Variants in CIRSR observed in about 807,000 individuals in gnomAD.
The protein encoded by CIRSR is CBF1 (RBPJ) interacting corepressor 1.
chr2:174,377,432 CAG>C, the CIRSR span, among the ~76,000 whole-genome samples: 3 of 152,116 alleles, frequency 2.0e-5, no homozygotes, highest in East Asian at 1.9e-4. Context: ...GTTCTTTTGT[CAG>C]AGATTGCCAG....
chr2:174,371,799 C>T, the CIRSR span, among the ~76,000 whole-genome samples: 6 of 152,254 alleles, frequency 3.9e-5, no homozygotes, highest in East Asian at 1.9e-4. Context: ...GTGTGGTTAT[C>T]ATGAAATAAT....
chr2:174,370,696 C>A, the CIRSR span, among the ~76,000 whole-genome samples: 3 of 152,054 alleles, frequency 2.0e-5, no homozygotes, highest in African/African-American at 7.2e-5. Flanking sequence ...GGGCGGATCA[C>A]GAGGTCAGGA....
the CIRSR span, chr2:174,379,085 T>A: frequency 9.9e-6 from 13 of 1,309,862 alleles, no homozygotes; most frequent in Non-Finnish European, 1.4e-5. Flanking sequence ...AAAGTAAGAA[T>A]CTAACCAATG....
chr2:174,381,692 GAAGAT>G, the CIRSR span: 1 of 1,562,786 alleles, frequency 6.4e-7, no homozygotes, highest in Non-Finnish European at 8.6e-7. Flanking sequence ...AGAAACGGAA[GAAGAT>G]AAGTACCTTT....
the CIRSR span, among the ~76,000 whole-genome samples, chr2:174,385,470 G>C: frequency 5.9e-5 from 9 of 152,042 alleles, no homozygotes; most frequent in Admixed American, 5.9e-4. Flanking sequence ...TAATATCTTA[G>C]TAGCAATGAA....
At chr2:174,367,296 G>A in the CIRSR span, among the ~76,000 whole-genome samples, 4 of 152,048 alleles carry the variant, frequency 2.6e-5, no homozygotes, top group Middle Eastern at 3.4e-3. Flanking sequence ...AAATTAGCTG[G>A]GCATTGGGCG....
At chr2:174,378,908 A>G in the CIRSR span, 1 of 1,543,250 alleles carries the variant, frequency 6.5e-7, no homozygotes, top group Non-Finnish European at 9.0e-7. Flanking sequence ...GAAACAAATC[A>G]TGTCTAGTGC....
the CIRSR span, chr2:174,351,801 G>A: frequency 3.0e-4 from 322 of 1,063,106 alleles, 1 homozygote; most frequent in East Asian, 8.6e-3. Context: ...TAGGAATGCA[G>A]TTGAAGCTTT....
chr2:174,359,375 T>C, the CIRSR span, among the ~76,000 whole-genome samples: 1 of 151,832 alleles, frequency 6.6e-6, no homozygotes, highest in Non-Finnish European at 1.5e-5. Flanking sequence ...CCATAAACAG[T>C]GATTACTGAG....
At chr2:174,372,738 C>T in the CIRSR span, among the ~76,000 whole-genome samples, 3 of 152,154 alleles carry the variant, frequency 2.0e-5, no homozygotes, top group East Asian at 1.9e-4. Context: ...GCCACCACCA[C>T]GCCCAGCTAA....
the CIRSR span, among the ~76,000 whole-genome samples, chr2:174,368,876 T>C: frequency 6.6e-6 from 1 of 152,230 alleles, no homozygotes; most frequent in African/African-American, 2.4e-5. Context: ...TGCTGTCATC[T>C]AGGCTTTGTT....
the CIRSR span, among the ~76,000 whole-genome samples, chr2:174,361,081 G>C: frequency 1.8e-4 from 26 of 147,488 alleles, no homozygotes; most frequent in African/African-American, 6.1e-4. Context: ...AATCAACTAC[G>C]ATCAACTACG....
the CIRSR span, chr2:174,387,612 T>C: frequency 4.8e-6 from 7 of 1,471,414 alleles, no homozygotes; most frequent in South Asian, 3.8e-5. Context: ...ACTGACTTAA[T>C]ATATCATTCA....
the CIRSR span, chr2:174,350,722 T>C: frequency 2.5e-6 from 4 of 1,609,674 alleles, no homozygotes; most frequent in South Asian, 1.1e-5. Context: ...CTGGATCTTC[T>C]TCACCCTCAC....
At chr2:174,377,277 T>G in the CIRSR span, among the ~76,000 whole-genome samples, 4 of 152,202 alleles carry the variant, frequency 2.6e-5, no homozygotes, top group African/African-American at 9.6e-5. Flanking sequence ...AACGGGTATA[T>G]AACACACACC....
chr2:174,395,488 TC>T, the CIRSR span: 1 of 1,503,442 alleles, frequency 6.7e-7, no homozygotes, highest in Non-Finnish European at 9.3e-7. Flanking sequence ...CACTTTCACT[TC>T]CAGCAGCCTC....
At chr2:174,356,296 T>C in the CIRSR span, among the ~76,000 whole-genome samples, 1 of 151,798 alleles carries the variant, frequency 6.6e-6, no homozygotes. Flanking sequence ...TGAGACCCTG[T>C]CTCTACAAAA....
the CIRSR span, chr2:174,351,497 T>A: frequency 3.0e-6 from 2 of 669,772 alleles, no homozygotes; most frequent in Non-Finnish European, 4.8e-6. Context: ...TTTGGGCATT[T>A]TCTTTGCTCT....
At chr2:174,360,128 G>A in the CIRSR span, among the ~76,000 whole-genome samples, 10 of 152,164 alleles carry the variant, frequency 6.6e-5, no homozygotes, top group Admixed American at 3.3e-4. Flanking sequence ...GTTAATGGGC[G>A]CAGCAAACCA....
Sources: gnomAD v4.1 joint callset for allele counts (sites outside exome capture counted in the v4.1 genomes callset) on GRCh38, gnomAD v4.1.1 for gene constraint, MANE v1.5 for transcripts, NCBI Gene and HGNC (gene_info 2026-07-23, HGNC 2026-07-21) for gene names.